SORCS2: variants seen among roughly 807,000 people sequenced by gnomAD.
SORCS2 encodes VPS10 domain-containing receptor SorCS2.
Under a neutral mutation model 141.6 loss-of-function variants are expected in SORCS2, and 100 were observed. That is an observed-to-expected ratio of 0.71 (90% CI 0.60 to 0.83). SORCS2 has a LOEUF of 0.83. Ranked by LOEUF, SORCS2 falls within the 40% of genes least tolerant of loss-of-function variation. The probability of loss-of-function intolerance (pLI) is 0.00; values close to 1 mark genes in which losing one functional copy is unlikely to be tolerated. For missense variants in SORCS2, 1,646 were observed against 1,560.2 expected (o/e 1.05, Z -0.93); for synonymous variants, 789 against 676.9 (o/e 1.17, Z -2.57).
At chr4:7,726,935 C>T (rs1727261654) in intron 21 of SORCS2, 32 bp downstream of exon 21, 3 of 1,595,036 alleles carry the variant, frequency 1.9e-6, no homozygotes, top group African/African-American at 2.7e-5. Flanking sequence ...GCAGCACGGC[C>T]TCTGCATCTC....
intron 1 of SORCS2, among the ~76,000 whole-genome samples, chr4:7,310,948 A>T (rs1051584575): frequency 2.0e-5 from 3 of 152,216 alleles, no homozygotes; most frequent in African/African-American, 7.2e-5. Context: ...TAGAGATATA[A>T]TAAATCACGC....
At chr4:7,455,965 A>G (rs913309104) in intron 2 of SORCS2, among the ~76,000 whole-genome samples, 3 of 152,170 alleles carry the variant, frequency 2.0e-5, no homozygotes, top group Non-Finnish European at 4.4e-5. Context: ...CTTAAACAAG[A>G]GTAATTCCTT....
chr4:7,460,967 C>T (rs4388089), intron 2 of SORCS2, among the ~76,000 whole-genome samples: 1 of 152,112 alleles, frequency 6.6e-6, no homozygotes, highest in South Asian at 2.1e-4. Flanking sequence ...ATTTCTCCCC[C>T]CTCTCTTTCC....
chr4:7,214,775 AAAG>A (rs1168313531), intron 1 of SORCS2, among the ~76,000 whole-genome samples: 1 of 152,212 alleles, frequency 6.6e-6, no homozygotes, highest in Non-Finnish European at 1.5e-5. Context: ...GAGGCTGTGG[AAAG>A]AAGGTGATGA....
intron 2 of SORCS2, among the ~76,000 whole-genome samples, chr4:7,511,944 C>G (rs1373758323): frequency 1.3e-5 from 2 of 152,220 alleles, no homozygotes; most frequent in East Asian, 3.9e-4. Flanking sequence ...CTTTGCAGGT[C>G]CTGGAGGGGC....
chr4:7,265,802 C>T (rs756234595), intron 1 of SORCS2, among the ~76,000 whole-genome samples: 20 of 152,160 alleles, frequency 1.3e-4, no homozygotes, highest in Middle Eastern at 3.2e-3. Context: ...TATCAGGACA[C>T]GGACATCTCT....
chr4:7,321,967 G>A (rs1308717440), intron 1 of SORCS2, among the ~76,000 whole-genome samples: 2 of 152,226 alleles, frequency 1.3e-5, no homozygotes, highest in African/African-American at 4.8e-5. Flanking sequence ...CCGGGTGGCT[G>A]TATTGACCGT....
At chr4:7,310,535 A>G (rs1718118182) in intron 1 of SORCS2, 1 of 154,438 alleles carries the variant, frequency 6.5e-6, no homozygotes, top group Middle Eastern at 5.2e-4. Flanking sequence ...GATTACAACT[A>G]AAAATGGTTT....
chr4:7,477,520 G>A (rs1730378576), intron 2 of SORCS2, among the ~76,000 whole-genome samples: 1 of 152,152 alleles, frequency 6.6e-6, no homozygotes, highest in African/African-American at 2.4e-5. Context: ...TCCAGATCCA[G>A]TGCTCTTCAA....
chr4:7,329,608 G>A (rs1577406021), intron 1 of SORCS2, among the ~76,000 whole-genome samples: 1 of 152,196 alleles, frequency 6.6e-6, no homozygotes, highest in African/African-American at 2.4e-5. Flanking sequence ...CACATTGCAG[G>A]AGAGAAACAC....
At chr4:7,217,011 A>G (rs7678140) in intron 1 of SORCS2, among the ~76,000 whole-genome samples, 41,453 of 151,716 alleles carry the variant, frequency 0.27, 6,267 homozygotes, top group East Asian at 0.45. Context: ...TGGCTCTTCC[A>G]ATCCTCCGAC....
At chr4:7,479,970 C>T (rs1481368594) in intron 2 of SORCS2, among the ~76,000 whole-genome samples, 1 of 152,246 alleles carries the variant, frequency 6.6e-6, no homozygotes, top group Non-Finnish European at 1.5e-5. Context: ...TTCCGTGACA[C>T]CTGGTAGTGA....
At chr4:7,538,433 C>G (rs760700913) in intron 3 of SORCS2, among the ~76,000 whole-genome samples, 2 of 152,190 alleles carry the variant, frequency 1.3e-5, no homozygotes, top group Non-Finnish European at 2.9e-5. Flanking sequence ...CCACTTGGCC[C>G]CAGGAGCCCT....
intron 2 of SORCS2, among the ~76,000 whole-genome samples, chr4:7,456,480 G>GA (rs1553866877): frequency 1.4e-5 from 2 of 138,674 alleles, no homozygotes; most frequent in African/African-American, 6.6e-5. Context: ...AAGGGTGAGA[G>GA]GGGGGGGGCC....
At chr4:7,452,486 A>G (rs926874114) in intron 2 of SORCS2, among the ~76,000 whole-genome samples, 4 of 152,110 alleles carry the variant, frequency 2.6e-5, no homozygotes, top group African/African-American at 9.7e-5. Context: ...GCCAAAGTCT[A>G]TGATGCTTTT....
chr4:7,530,072 G>T (rs959588530), intron 2 of SORCS2, among the ~76,000 whole-genome samples: 1 of 152,226 alleles, frequency 6.6e-6, no homozygotes, highest in Non-Finnish European at 1.5e-5. Flanking sequence ...GCCCAGAGAT[G>T]ATAAACAGTC....
chr4:7,220,981 G>C (rs1728667932), intron 1 of SORCS2, among the ~76,000 whole-genome samples: 1 of 152,066 alleles, frequency 6.6e-6, no homozygotes, highest in Non-Finnish European at 1.5e-5. Flanking sequence ...TGGTTTGTCA[G>C]AGAGAGAGAG....
At chr4:7,355,481 G>A (rs141937056) in intron 1 of SORCS2, among the ~76,000 whole-genome samples, 184 of 152,292 alleles carry the variant, frequency 1.2e-3, no homozygotes, top group African/African-American at 4.2e-3. Flanking sequence ...AGTCAGAGTG[G>A]AGGGTCCAGG....
intron 1 of SORCS2, among the ~76,000 whole-genome samples, chr4:7,294,180 C>A (rs2108883311): frequency 6.6e-6 from 1 of 152,296 alleles, no homozygotes; most frequent in South Asian, 2.1e-4. Context: ...CCGGTGATGC[C>A]TGGCAATTAG....
Sources: gnomAD v4.1 joint callset for allele counts (sites outside exome capture counted in the v4.1 genomes callset) on GRCh38, gnomAD v4.1.1 for gene constraint, MANE v1.5 for transcripts, NCBI Gene and HGNC (gene_info 2026-07-23, HGNC 2026-07-21) for gene names.